Variants in CAST observed in about 807,000 individuals in gnomAD.
CAST encodes MIR583 host.
A neutral mutation model predicts 119.6 loss-of-function variants in CAST; 76 were observed. That is an observed-to-expected ratio of 0.64 (90% CI 0.53 to 0.77). The LOEUF (loss-of-function observed/expected upper bound fraction) is 0.77. Among genes scored for constraint, CAST ranks in the 30% least tolerant of loss-of-function variants. CAST has a pLI of 0.00. For synonymous variants in CAST, 319 were observed against 331.6 expected (o/e 0.96, Z 0.41); for missense variants, 953 against 946.5 (o/e 1.01, Z -0.09).
chr5:96,731,292 G>A (rs1347404283), intron 9 of CAST, among the ~76,000 whole-genome samples: 18 of 152,136 alleles, frequency 1.2e-4, no homozygotes, highest in Non-Finnish European at 8.8e-5. Context: ...GTTTTCAAAG[G>A]AAATATTTCA....
the CAST span, among the ~76,000 whole-genome samples, chr5:96,417,600 G>A: frequency 1.6e-4 from 24 of 151,998 alleles, no homozygotes; most frequent in Non-Finnish European, 1.5e-4. Context: ...AAGCAGAGGC[G>A]AGCAGCACTA....
the CAST span, among the ~76,000 whole-genome samples, chr5:96,150,863 G>T: frequency 3.3e-5 from 5 of 152,176 alleles, no homozygotes; most frequent in Admixed American, 1.3e-4. Context: ...TTGGTTATCT[G>T]CCAGATGCAG....
chr5:96,378,930 T>G, the CAST span, among the ~76,000 whole-genome samples: 1 of 152,170 alleles, frequency 6.6e-6, no homozygotes, highest in Non-Finnish European at 1.5e-5. Context: ...ATTCTACTTT[T>G]AAAAATAGTT....
chr5:96,562,434 AT>A (rs1466482565), intron 1 of CAST, among the ~76,000 whole-genome samples: 1 of 152,196 alleles, frequency 6.6e-6, no homozygotes, highest in Non-Finnish European at 1.5e-5. Context: ...TGAAATACAC[AT>A]CTTTGCCTCT....
At chr5:96,764,063 C>G (rs1768954095) in intron 25 of CAST, among the ~76,000 whole-genome samples, 1 of 151,884 alleles carries the variant, frequency 6.6e-6, no homozygotes. Context: ...CTGGAAAGTT[C>G]TATACAGTAT....
At chr5:95,962,824 T>G in the CAST span, among the ~76,000 whole-genome samples, 1 of 152,322 alleles carries the variant, frequency 6.6e-6, no homozygotes, top group East Asian at 1.9e-4. Flanking sequence ...GTATTGTCCT[T>G]TTTATTTGAT....
chr5:96,468,329 A>G, the CAST span, among the ~76,000 whole-genome samples: 6 of 152,190 alleles, frequency 3.9e-5, no homozygotes, highest in East Asian at 9.7e-4. Flanking sequence ...CTTCACCACT[A>G]TACAATTCAT....
At chr5:96,340,745 T>C in the CAST span, among the ~76,000 whole-genome samples, 1 of 152,230 alleles carries the variant, frequency 6.6e-6, no homozygotes, top group Non-Finnish European at 1.5e-5. Flanking sequence ...TATCATTTAC[T>C]TGACTTTACA....
chr5:96,438,200 T>C, the CAST span, among the ~76,000 whole-genome samples: 13 of 152,250 alleles, frequency 8.5e-5, no homozygotes, highest in East Asian at 1.5e-3. Context: ...AAAAAGATAA[T>C]TTATTTTTCC....
chr5:96,523,741 G>T (rs138251034), upstream of CAST, among the ~76,000 whole-genome samples: 18 of 152,302 alleles, frequency 1.2e-4, no homozygotes, highest in East Asian at 2.9e-3. Flanking sequence ...CATGGCCCTG[G>T]GTTGCTGTTG....
chr5:95,994,103 A>G, the CAST span, among the ~76,000 whole-genome samples: 741 of 152,264 alleles, frequency 4.9e-3, 4 homozygotes, highest in African/African-American at 0.017. Flanking sequence ...CTGGAAAACA[A>G]CTTGATACTG....
At chr5:96,203,930 C>A in the CAST span, among the ~76,000 whole-genome samples, 1 of 151,890 alleles carries the variant, frequency 6.6e-6, no homozygotes, top group Non-Finnish European at 1.5e-5. Context: ...AACAAATAGA[C>A]CGGGCTGATG....
chr5:96,101,564 C>T, the CAST span, among the ~76,000 whole-genome samples: 388 of 152,300 alleles, frequency 2.5e-3, 1 homozygote, highest in Non-Finnish European at 3.8e-3. Flanking sequence ...CCTGTCTTCC[C>T]GATTCTCCCA....
the CAST span, among the ~76,000 whole-genome samples, chr5:96,519,335 C>A: frequency 1.1e-4 from 17 of 152,160 alleles, no homozygotes; most frequent in East Asian, 1.9e-4. Context: ...TGGCACCAAG[C>A]AAATATGCTG....
At chr5:96,042,555 C>T in the CAST span, among the ~76,000 whole-genome samples, 7 of 152,002 alleles carry the variant, frequency 4.6e-5, no homozygotes, top group Non-Finnish European at 8.8e-5. Context: ...AGTAAGTGTT[C>T]GATATGATTA....
chr5:96,329,899 T>C, the CAST span, among the ~76,000 whole-genome samples: 1 of 152,262 alleles, frequency 6.6e-6, no homozygotes, highest in African/African-American at 2.4e-5. Flanking sequence ...ATTTGTTAAA[T>C]TGAATTCTGT....
the CAST span, among the ~76,000 whole-genome samples, chr5:96,280,494 C>T: frequency 6.6e-6 from 1 of 152,188 alleles, no homozygotes; most frequent in Non-Finnish European, 1.5e-5. Context: ...AGTCTCTGTA[C>T]GGAGAGAGCC....
the CAST span, among the ~76,000 whole-genome samples, chr5:96,473,725 CTCCTGGTT>C: frequency 6.6e-6 from 1 of 152,232 alleles, no homozygotes; most frequent in African/African-American, 2.4e-5. Context: ...CATTCAGTCT[CTCCTGGTT>C]TCCGAGAGAC....
chr5:96,727,380 C>A (rs949317822), intron 5 of CAST, 109 bp from the exon 6 acceptor site: 2 of 557,418 alleles, frequency 3.6e-6, no homozygotes, highest in East Asian at 3.1e-5. Flanking sequence ...CATTAAAAAT[C>A]ATCTCTTTTG....
Sources: gnomAD v4.1 joint callset for allele counts (sites outside exome capture counted in the v4.1 genomes callset) on GRCh38, gnomAD v4.1.1 for gene constraint, MANE v1.5 for transcripts, NCBI Gene and HGNC (gene_info 2026-07-23, HGNC 2026-07-21) for gene names.